Variants in PPP1R14C observed in about 807,000 individuals in gnomAD.
PPP1R14C encodes protein phosphatase 1 regulatory subunit 14C.
Under a neutral mutation model 20.4 loss-of-function variants are expected in PPP1R14C, and 16 were observed. That is an observed-to-expected ratio of 0.78 (90% CI 0.53 to 1.19). PPP1R14C has a LOEUF of 1.19. Ranked by LOEUF, PPP1R14C falls within the 50% of genes most tolerant of loss-of-function variation. The pLI is 0.00. For missense variants in PPP1R14C, 211 were observed against 220.1 expected, an observed-to-expected ratio of 0.96 and a Z score of 0.26; for synonymous variants, 91 against 91.0, an observed-to-expected ratio of 1.00 and a Z score of 0.00.
chr6:150,183,605 G>A (rs1289590169), intron 1 of PPP1R14C, among the ~76,000 whole-genome samples: 3 of 151,832 alleles, frequency 2.0e-5, no homozygotes, highest in Admixed American at 6.6e-5. Context: ...TCCACTGTCC[G>A]AGTTTAAGCG....
chr6:150,218,212 G>T (rs1337070921), intron 3 of PPP1R14C, among the ~76,000 whole-genome samples: 2 of 152,042 alleles, frequency 1.3e-5, no homozygotes, highest in Non-Finnish European at 2.9e-5. Flanking sequence ...GGCCATCCTG[G>T]CTAACACGGT....
intron 3 of PPP1R14C, among the ~76,000 whole-genome samples, chr6:150,237,336 TGGGATTACA>T (rs1376384344): frequency 6.6e-6 from 1 of 152,172 alleles, no homozygotes; most frequent in Non-Finnish European, 1.5e-5. Context: ...CCGGAGTAGC[TGGGATTACA>T]GGCATGTGCC....
chr6:150,216,278 C>T (rs557873223), intron 2 of PPP1R14C, among the ~76,000 whole-genome samples: 1 of 152,242 alleles, frequency 6.6e-6, no homozygotes, highest in East Asian at 1.9e-4. Flanking sequence ...GGTGGATCAC[C>T]TGAGGTCGGG....
chr6:150,215,965 A>G (rs1445536625), intron 2 of PPP1R14C, among the ~76,000 whole-genome samples: 4 of 152,322 alleles, frequency 2.6e-5, no homozygotes, highest in South Asian at 2.1e-4. Context: ...GTGTGCATAC[A>G]GAGGAGGTAA....
At position 150,183,741 on chromosome 6, in the gene PPP1R14C, G is replaced by A. The variant is rs372226976; in HGVS notation, c.307-31003G>A. ...TTGGCCAGGCTGGTCTTGAACTCCT[G>A]ACCTCGTGATCCACCCAGCCTCCCA... On this transcript the variant is annotated intron_variant, in intron 1 of 3. Coordinates refer to ENST00000361131, the MANE Select transcript of PPP1R14C (RefSeq NM_030949.3). Among the ~76,000 whole-genome samples, 5 of 152,196 alleles carry A rather than the reference G, an allele frequency of 3.3e-5. No homozygotes were observed. In the South Asian group the frequency reaches 1.0e-3, roughly 32 times the overall value.
At chr6:150,214,921 T>C in intron 2 of PPP1R14C, 94 bp downstream of exon 2, 1 of 854,212 alleles carries the variant, frequency 1.2e-6, no homozygotes. Context: ...TTCCGCCCTG[T>C]GGTGGTGTTG....
At chr6:150,220,465 T>C (rs1778153454) in intron 3 of PPP1R14C, among the ~76,000 whole-genome samples, 2 of 152,178 alleles carry the variant, frequency 1.3e-5, no homozygotes, top group African/African-American at 4.8e-5. Context: ...CGATTTTAAA[T>C]TGTGTGATGG....
intron 1 of PPP1R14C, among the ~76,000 whole-genome samples, chr6:150,169,018 C>G (rs189423298): frequency 6.6e-6 from 1 of 152,116 alleles, no homozygotes; most frequent in East Asian, 1.9e-4. Flanking sequence ...CTGGGACTAT[C>G]GGCACGCGCC....
chr6:150,241,018 G>A (rs771429845), intron 3 of PPP1R14C, among the ~76,000 whole-genome samples: 1 of 151,928 alleles, frequency 6.6e-6, no homozygotes, highest in African/African-American at 2.4e-5. Context: ...GGTGATAGGA[G>A]TGTCTTTTGT....
At chr6:150,180,249 CA>C (rs1777606744) in intron 1 of PPP1R14C, among the ~76,000 whole-genome samples, 1 of 152,182 alleles carries the variant, frequency 6.6e-6, no homozygotes, top group Non-Finnish European at 1.5e-5. Context: ...TTCATGCAGT[CA>C]AGCATTAGCA....
At chr6:150,225,757 G>A (rs1443642221) in intron 3 of PPP1R14C, among the ~76,000 whole-genome samples, 1 of 152,196 alleles carries the variant, frequency 6.6e-6, no homozygotes, top group Non-Finnish European at 1.5e-5. Context: ...AATTCACACA[G>A]TTAATGAACG....
At chr6:150,183,828 T>C (rs1026981940) in intron 1 of PPP1R14C, among the ~76,000 whole-genome samples, 3 of 152,230 alleles carry the variant, frequency 2.0e-5, no homozygotes, top group South Asian at 2.1e-4. Flanking sequence ...TTTCTTAAGA[T>C]GAGCAAGTGA....
intron 3 of PPP1R14C, among the ~76,000 whole-genome samples, chr6:150,225,404 T>C (rs1305615604): frequency 6.6e-6 from 1 of 152,210 alleles, no homozygotes; most frequent in Non-Finnish European, 1.5e-5. Context: ...TCAATTCCAG[T>C]TCAAGTTTTT....
At chr6:150,176,160 C>T (rs1481617820) in intron 1 of PPP1R14C, among the ~76,000 whole-genome samples, 1 of 152,110 alleles carries the variant, frequency 6.6e-6, no homozygotes, top group Non-Finnish European at 1.5e-5. Flanking sequence ...CTAGTGGGCA[C>T]CCCGGGGTGA....
chr6:150,241,391 T>C (rs1042238196), intron 3 of PPP1R14C, among the ~76,000 whole-genome samples: 6 of 152,182 alleles, frequency 3.9e-5, no homozygotes, highest in African/African-American at 1.4e-4. Flanking sequence ...TAAATATAAG[T>C]GTTTCCCTGA....
chr6:150,238,847 A>C (rs1436019465), intron 3 of PPP1R14C, among the ~76,000 whole-genome samples: 1 of 152,248 alleles, frequency 6.6e-6, no homozygotes, highest in African/African-American at 2.4e-5. Context: ...AATGAACTAG[A>C]ATATCAGTAT....
intron 3 of PPP1R14C, among the ~76,000 whole-genome samples, chr6:150,245,271 G>T (rs771033770): frequency 6.6e-6 from 1 of 152,166 alleles, no homozygotes; most frequent in Non-Finnish European, 1.5e-5. Flanking sequence ...GAGTACTGCT[G>T]TAGCTTTAAA....
chr6:150,157,528 G>A (rs1777318376), intron 1 of PPP1R14C, among the ~76,000 whole-genome samples: 1 of 152,212 alleles, frequency 6.6e-6, no homozygotes, highest in African/African-American at 2.4e-5. Context: ...TTGTGTTGCT[G>A]TAGCAGAATA....
intron 3 of PPP1R14C, among the ~76,000 whole-genome samples, chr6:150,248,299 C>G (rs1203559724): frequency 6.6e-6 from 1 of 152,204 alleles, no homozygotes; most frequent in Non-Finnish European, 1.5e-5. Context: ...TTGAGGCACA[C>G]TAGTCCAGCC....
Sources: gnomAD v4.1 joint callset for allele counts (sites outside exome capture counted in the v4.1 genomes callset) on GRCh38, gnomAD v4.1.1 for gene constraint, MANE v1.5 for transcripts, NCBI Gene and HGNC (gene_info 2026-07-23, HGNC 2026-07-21) for gene names.